Variants in ATP13A3 observed in about 807,000 individuals in gnomAD.
ATP13A3 encodes ATPase 13A3.
A neutral mutation model predicts 158.1 loss-of-function variants in ATP13A3; 59 were observed. That is an observed-to-expected ratio of 0.37 (90% confidence interval 0.30 to 0.46). The LOEUF (loss-of-function observed/expected upper bound fraction) is 0.46, where lower values mean the gene tolerates loss of function less well. ATP13A3 is among the 20% of genes least tolerant of loss of function. ATP13A3 has a pLI of 1.00. For missense variants in ATP13A3, 1,166 were observed against 1,525.2 expected (o/e 0.76, Z 3.92); for synonymous variants, 491 against 504.3 (o/e 0.97, Z 0.35).
chr3:194,468,430 T>TG (rs1402451806), intron 2 of ATP13A3, among the ~76,000 whole-genome samples: 3 of 141,910 alleles, frequency 2.1e-5, no homozygotes, highest in South Asian at 4.2e-4. Flanking sequence ...GTGAAGCTAC[T>TG]GGGAAAAAAA....
In ATP13A3 at chr3:194,403,558, C is replaced by A. The variant is rs1162239109; in HGVS notation, c.*2361G>T. On this transcript the variant is annotated 3_prime_UTR_variant, in exon 34 of 34. Transcript: ENST00000645319. The stretch of plus-strand genomic sequence containing the variant: ...GACATTTCTGTCCTTTAAGTATGTG[C>A]ATAAATAAAATTTAAATCAGCAATA... 1 of 152,114 alleles carries A rather than the reference C, an allele frequency of 6.6e-6. No homozygotes were observed. The highest frequency in any genetic ancestry group is 1.5e-5 in the Non-Finnish European group (1 of 68,006). The allele number at this position is 152,114 out of a possible 1,614,324, so 9.4% of individuals were successfully genotyped here. A position where few individuals can be genotyped will look rare whatever the true frequency, so the allele number is the denominator to read the frequency against.
rs1322009915 is a variant in ATP13A3 at position 194,437,457 on chromosome 3, T to C, written c.1853A>G (p.Tyr618Cys). The C allele has an allele frequency of 6.2e-7, 1 of 1,614,180 alleles. No individual in the cohort carries two copies. Among genetic ancestry groups the C allele is most frequent in the South Asian group, 1.1e-5 (1 of 91,086 alleles). ...EMELFELPAT[Y>C]EIGIVRQFPF... ...GAACTGGCGAACAATTCCTATCTCA[T>C]AAGTAGCCTATATCATTTCAAAAGA... Residue 618 changes from tyrosine to cysteine, a missense_variant, in exon 19 of 34, where the codon TAT (tyrosine) becomes TGT (cysteine). Around this residue, in one of 3 missense-constraint regions of ATP13A3, gnomAD observed 997 missense variants for 1,341.2 expected, o/e 0.74. Transcript: ENST00000645319.
chr3:194,478,289 T>C (rs1216747077), intron 2 of ATP13A3, among the ~76,000 whole-genome samples: 1 of 151,736 alleles, frequency 6.6e-6, no homozygotes, highest in East Asian at 1.9e-4. Context: ...TCTAGTAGGC[T>C]AGACAAATAA....
At position 194,448,111 on chromosome 3, in the gene ATP13A3, T is replaced by C. The variant is rs1718532527; in HGVS notation, c.1151-102A>G. On this transcript the variant is annotated intron_variant, in intron 12 of 33. Coordinates refer to ENST00000645319, the MANE Select transcript of ATP13A3 (RefSeq NM_001367549.1). The surrounding 1 kb of genome is among the most constrained non-coding windows in gnomAD (Gnocchi z 4.0). ...TTTTTTTTTTGAGACAGAGTCTCGC[T>C]CTGTCACCCAGGCTGGAGTACAGTG... is the stretch of plus-strand genomic sequence containing the variant. 8.6e-7 allele frequency: 1 copy of C among 1,167,568 alleles called. No individual in the cohort carries two copies. The highest frequency in any genetic ancestry group is 1.2e-6 in the Non-Finnish European group (1 of 807,742). The allele number at this position is 1,167,568 out of a possible 1,614,324, so 72.3% of individuals were successfully genotyped here. A position where few individuals can be genotyped will look rare whatever the true frequency, so the allele number is the denominator to read the frequency against.
Position 194,410,331 on chromosome 3 carries a change from A to ACC in ATP13A3, c.3573+1867_3573+1868insGG, listed in dbSNP as rs1553794196. On this transcript the variant is annotated intron_variant, in intron 33 of 33. Coordinates refer to ENST00000645319, the MANE Select transcript of ATP13A3 (RefSeq NM_001367549.1). ...AAAAAAAAAAAAAAAAAAAAAAAAA[A>ACC]CTGCTGGGCCTGGGATGGCATGCAC... 1.1e-4 allele frequency among the ~76,000 whole-genome samples: 14 copies of ACC among 133,048 alleles called. 1 individual carries two copies. The highest frequency in any genetic ancestry group is 3.7e-4 in the African/African-American group (13 of 34,902). The allele number at this position is 133,048 out of a possible 152,430, so 87.3% of individuals were successfully genotyped here.
In ATP13A3 at chr3:194,494,142, G is replaced by A; in HGVS notation, n.654C>T. ...CAAATGAAGCCAGAGTGATTCACCA[G>A]AATGAGTTCATCTCGCATCAAAACT... On this transcript the variant is annotated non_coding_transcript_exon_variant, in exon 2 of 33. Transcript: ENST00000687055. This position sits in a 1 kb window ranked among gnomAD's most constrained non-coding sequence, Gnocchi z 4.2. The A allele has an allele frequency of 2.5e-6, 1 of 398,564 alleles. No homozygotes were observed. The highest frequency in any genetic ancestry group is 4.4e-6 in the Non-Finnish European group (1 of 226,070). The allele number at this position is 398,564 out of a possible 1,614,324, so 24.7% of individuals were successfully genotyped here. A position where few individuals can be genotyped will look rare whatever the true frequency, so the allele number is the denominator to read the frequency against.
At chr3:194,430,543 G>A (rs766342061) in intron 24 of ATP13A3, among the ~76,000 whole-genome samples, 2 of 152,068 alleles carry the variant, frequency 1.3e-5, no homozygotes, top group Non-Finnish European at 2.9e-5. Flanking sequence ...TCACATTATC[G>A]GCAAATCATT....
chr3:194,427,288 T>C (rs1308091060), intron 28 of ATP13A3, 36 bp from the exon 29 acceptor site: 17 of 1,534,814 alleles, frequency 1.1e-5, no homozygotes, highest in Non-Finnish European at 1.5e-5. Context: ...GGTTTGTATT[T>C]ACATTAATCT....
chr3:194,430,424 T>G, intron 24 of ATP13A3, 109 bp from the exon 25 acceptor site: 2 of 1,188,042 alleles, frequency 1.7e-6, no homozygotes, highest in Non-Finnish European at 1.2e-6. Context: ...CACACCAAGA[T>G]TCCCCCAGTG....
chr3:194,476,949 A>T (rs1437703246), intron 2 of ATP13A3, among the ~76,000 whole-genome samples: 1 of 152,180 alleles, frequency 6.6e-6, no homozygotes, highest in Non-Finnish European at 1.5e-5. Flanking sequence ...ATTGCAAGAC[A>T]TGTAAGATCC....
chr3:194,468,441 AT>A (rs1046749973), intron 2 of ATP13A3, among the ~76,000 whole-genome samples: 4 of 151,784 alleles, frequency 2.6e-5, no homozygotes, highest in African/African-American at 4.9e-5. Flanking sequence ...GGGAAAAAAA[AT>A]CTCACTACAT....
At chr3:194,421,318 C>A (rs1350742767) in intron 30 of ATP13A3, among the ~76,000 whole-genome samples, 1 of 146,272 alleles carries the variant, frequency 6.8e-6, no homozygotes, top group Non-Finnish European at 1.5e-5. Context: ...CTTTGGGAGG[C>A]CGAGGCGGGC....
intron 2 of ATP13A3, among the ~76,000 whole-genome samples, chr3:194,493,291 T>C (rs997880677): frequency 3.4e-4 from 52 of 152,130 alleles, no homozygotes; most frequent in African/African-American, 1.2e-3. Context: ...GATGGATGAC[T>C]GAATGAATGA....
chr3:194,407,963 T>C (rs1715064751), intron 33 of ATP13A3, among the ~76,000 whole-genome samples: 1 of 152,142 alleles, frequency 6.6e-6, no homozygotes. Context: ...AGGTGTCATT[T>C]GTCAATCTAA....
intron 30 of ATP13A3, among the ~76,000 whole-genome samples, chr3:194,421,041 C>T (rs1404893858): frequency 1.5e-5 from 2 of 133,120 alleles, no homozygotes; most frequent in South Asian, 4.9e-4. Flanking sequence ...TTCAAAACTA[C>T]AGGTAAATAT....
intron 21 of ATP13A3, among the ~76,000 whole-genome samples, chr3:194,433,552 C>T (rs1717402592): frequency 6.6e-6 from 1 of 152,162 alleles, no homozygotes; most frequent in Admixed American, 6.5e-5. Context: ...CGTACTTTTA[C>T]TATTCTACTA....
chr3:194,436,677 AC>A (rs1717657707), intron 20 of ATP13A3, among the ~76,000 whole-genome samples: 1 of 152,094 alleles, frequency 6.6e-6, no homozygotes, highest in Non-Finnish European at 1.5e-5. Context: ...CATGGCAAAA[AC>A]CCCTACTAAA....
At chr3:194,468,385 T>TAA (rs1720121152) in intron 2 of ATP13A3, 1 of 119,230 alleles carries the variant, frequency 8.4e-6, no homozygotes, top group Non-Finnish European at 1.6e-5. Context: ...CTGTGTGAGT[T>TAA]TAAAAAAAAA....
intron 14 of ATP13A3, among the ~76,000 whole-genome samples, chr3:194,445,254 A>C (rs934028340): frequency 6.6e-6 from 1 of 152,214 alleles, no homozygotes; most frequent in East Asian, 1.9e-4. Flanking sequence ...ACTGGAGATA[A>C]GGGGTAAGTA....
Sources: gnomAD v4.1 joint callset for allele counts (sites outside exome capture counted in the v4.1 genomes callset) on GRCh38, gnomAD v4.1.1 for gene constraint, gnomAD v4.1.1 regional missense constraint, Gnocchi (gnomAD v3.1) non-coding constraint, MANE v1.5 for transcripts, NCBI Gene and HGNC (gene_info 2026-07-23, HGNC 2026-07-21) for gene names.